Variants in SP2 observed in about 807,000 individuals in gnomAD.
SP2 encodes transcription factor Sp2.
In SP2, 9 loss-of-function variants were observed where a neutral mutation model predicts 50.1. The ratio of observed to expected loss-of-function variants is 0.18; its 90% confidence interval spans 0.11 to 0.31. The LOEUF is 0.31. SP2 is among the 10% of genes least tolerant of loss of function. SP2 has a pLI of 1.00. For missense variants in SP2, 581 were observed against 806.5 expected (o/e 0.72, Z 3.39); for synonymous variants, 313 against 326.6 (o/e 0.96, Z 0.45).
At chr17:47,921,911 T>C (rs2035473329) in intron 3 of SP2, among the ~76,000 whole-genome samples, 1 of 152,210 alleles carries the variant, frequency 6.6e-6, no homozygotes, top group African/African-American at 2.4e-5. Flanking sequence ...ACCTATGCAA[T>C]GTCTACGTAG....
In SP2 at chr17:47,924,952, G is replaced by A. The variant is rs951677155; in HGVS notation, c.1406G>A (p.Gly469Glu). ...QQQLTVQNVS[G>E]NNLTISGLSP... is the part of the protein sequence containing the mutation. ...CAGCTGACAGTGCAGAATGTTTCTGGGAACAACCTGACCATCAGTGGGCTG... is the reference window on the plus strand; with the variant it reads ...CAGCTGACAGTGCAGAATGTTTCTGAGAACAACCTGACCATCAGTGGGCTG... The change falls in exon 5 of 7, where the codon GGG becomes GAG. Residue 469 changes from glycine to glutamate, a missense_variant. Physicochemically the swap from Gly to Glu is moderately conservative, Grantham distance 98 (BLOSUM62 -2). This residue lies in a region of SP2 where 184 missense variants were observed against 315.5 expected (regional missense o/e 0.58). Coordinates refer to ENST00000376741, the MANE Select transcript of SP2 (RefSeq NM_003110.6). 1 of 1,611,342 alleles carries A rather than the reference G, an allele frequency of 6.2e-7. No individual in the cohort carries two copies. The highest frequency in any genetic ancestry group is 8.5e-7 in the Non-Finnish European group (1 of 1,177,926).
chr17:47,916,556 C>A lies in SP2; in HGVS notation c.485C>A (p.Thr162Asn). The A allele has an allele frequency of 6.2e-7, 1 of 1,614,146 alleles. No homozygotes were observed. Among genetic ancestry groups the A allele is most frequent in the East Asian group, 2.2e-5 (1 of 44,886 alleles). ...AACCAGATCCAGATCATCCCTGGCACCAACCAAGCCATCATCACCCCCTCA... is the reference window on the plus strand; with the variant it reads ...AACCAGATCCAGATCATCCCTGGCAACAACCAAGCCATCATCACCCCCTCA... ...LTNQIQIIPGTNQAIITPSPS... is the reference protein window; with the variant it reads ...LTNQIQIIPGNNQAIITPSPS... The change falls in exon 3 of 7, where the codon ACC becomes AAC. Residue 162 changes from threonine (T) to asparagine (N), a missense_variant. Transcript: ENST00000376741. The surrounding 1 kb of genome is among the most constrained non-coding windows in gnomAD (Gnocchi z 4.7).
rs1055314716 is a variant in SP2, at chr17:47,928,032, G to C, written c.*208G>C. On this transcript the variant is annotated 3_prime_UTR_variant, in exon 7 of 7. Coordinates refer to ENST00000376741, the MANE Select transcript of SP2 (RefSeq NM_003110.6). The stretch of plus-strand genomic sequence containing the variant: ...CTGCCTTGGCCCTTCCCCTCACCAC[G>C]AGCTCCCGGCCTGCCCAGACTGTGG... 1.8e-6 allele frequency: 1 copy of C among 550,070 alleles called. No homozygotes were observed. The highest frequency in any genetic ancestry group is 2.3e-5 in the South Asian group (1 of 44,228). The allele number at this position is 550,070 out of a possible 1,614,324, so 34.1% of individuals were successfully genotyped here.
intron 3 of SP2, among the ~76,000 whole-genome samples, chr17:47,921,870 A>G (rs2144036122): frequency 6.6e-6 from 1 of 152,334 alleles, no homozygotes; most frequent in East Asian, 1.9e-4. Context: ...TTCTCAATGG[A>G]CACAGCTAGG....
rs565594410 is a variant in SP2, at chr17:47,926,278, C to T, written c.1741+737C>T. On this transcript the variant is annotated intron_variant, in intron 6 of 6. Coordinates refer to ENST00000376741, the MANE Select transcript of SP2 (RefSeq NM_003110.6). The stretch of plus-strand genomic sequence containing the variant: ...CCAGTCACACAGCTAGTGACTGGTG[C>T]GGCCAGGTTCACACCCAGGCCCTGC... 2.7e-4 allele frequency among the ~76,000 whole-genome samples: 41 copies of T among 150,162 alleles called. No individual in the cohort carries two copies. The South Asian group carries it at 4.7e-3, about 17-fold the overall frequency.
At chr17:47,918,082 T>C (rs939102490) in intron 3 of SP2, among the ~76,000 whole-genome samples, 1 of 152,036 alleles carries the variant, frequency 6.6e-6, no homozygotes, top group Non-Finnish European at 1.5e-5. Context: ...TTGTGTCTTA[T>C]GTGTAGCAGG....
Position 47,896,275 on chromosome 17 carries a change from G to A in SP2, c.-12G>A, listed in dbSNP as rs2034323478. 1.6e-6 allele frequency: 2 copies of A among 1,240,308 alleles called. No homozygotes were observed. Among genetic ancestry groups the A allele is most frequent in the Non-Finnish European group, 2.0e-6 (2 of 988,768 alleles). The allele number at this position is 1,240,308 out of a possible 1,614,324, so 76.8% of individuals were successfully genotyped here. A position where few individuals can be genotyped will look rare whatever the true frequency, so the allele number is the denominator to read the frequency against. The stretch of plus-strand genomic sequence containing the variant: ...GGCGGAGGCGGCGGAGGCCAGGGAG[G>A]AAGATGTCGTAATGAGCGGTGGGTC... On this transcript the variant is annotated 5_prime_UTR_variant, in exon 1 of 7. Coordinates refer to ENST00000376741, the MANE Select transcript of SP2 (RefSeq NM_003110.6).
At chr17:47,902,379 C>T (rs370950541) in intron 1 of SP2, among the ~76,000 whole-genome samples, 16 of 152,214 alleles carry the variant, frequency 1.1e-4, no homozygotes, top group African/African-American at 3.4e-4. Context: ...TATTGGGGGC[C>T]TCTGAGCAGA....
At position 47,927,981 on chromosome 17, in the gene SP2, T is replaced by G; in HGVS notation, c.*157T>G. 1.6e-6 allele frequency: 1 copy of G among 607,488 alleles called. No individual in the cohort carries two copies. Among genetic ancestry groups the G allele is most frequent in the Non-Finnish European group, 3.0e-6 (1 of 336,810 alleles). 37.6% of individuals were successfully genotyped at this position (607,488 alleles called of 1,614,324 possible). On this transcript the variant is annotated 3_prime_UTR_variant, in exon 7 of 7. Transcript: ENST00000376741. Reference sequence around the variant, plus strand: ...CAGGAAGGGGCTCTGTTCCCTGTATTGTCCTCCTTCTGAAGCCCCTTGGCT... The same window carrying G: ...CAGGAAGGGGCTCTGTTCCCTGTATGGTCCTCCTTCTGAAGCCCCTTGGCT...
chr17:47,914,408 A>G (rs1227510203), intron 1 of SP2, among the ~76,000 whole-genome samples: 4 of 151,892 alleles, frequency 2.6e-5, no homozygotes, highest in African/African-American at 7.3e-5. Context: ...TGTGCTGTAT[A>G]TGCTGCCTGG....
chr17:47,896,402 G>C (rs567404134), intron 1 of SP2, 109 bp downstream of exon 1: 2 of 969,750 alleles, frequency 2.1e-6, no homozygotes, highest in East Asian at 3.3e-5. Flanking sequence ...CCCTGGGGCT[G>C]GGTCTGGCGT....
At chr17:47,915,427 C>T (rs2143943451) in intron 2 of SP2, 39 bp downstream of exon 2, 6 of 1,365,528 alleles carry the variant, frequency 4.4e-6, no homozygotes, top group Non-Finnish European at 5.2e-6. Context: ...GGGGCTGCAG[C>T]ATCCTGGACA....
chr17:47,898,183 G>C (rs1270133947), intron 1 of SP2: 1 of 152,198 alleles, frequency 6.6e-6, no homozygotes, highest in Non-Finnish European at 1.5e-5. Flanking sequence ...AGATAGACTG[G>C]CCACTTTTTT....
In SP2 at chr17:47,896,420, C is replaced by A. The variant is rs1008777816; in HGVS notation, c.7+127C>A. The A allele has an allele frequency of 5.9e-6, 4 of 676,798 alleles. No homozygotes were observed. The African/African-American group carries it at 7.6e-5, about 13-fold the overall frequency. 41.9% of individuals were successfully genotyped at this position (676,798 alleles called of 1,614,324 possible). A position where few individuals can be genotyped will look rare whatever the true frequency, so the allele number is the denominator to read the frequency against. Reference sequence around the variant, plus strand: ...TGGGGCTGGGTCTGGCGTCGGGGCCCGGCTTCAGGAGGGGCGGGGGAGGGA... The same window carrying A: ...TGGGGCTGGGTCTGGCGTCGGGGCCAGGCTTCAGGAGGGGCGGGGGAGGGA... On this transcript the variant is annotated intron_variant, in intron 1 of 6. Coordinates refer to ENST00000376741, the MANE Select transcript of SP2 (RefSeq NM_003110.6).
intron 2 of SP2, 29 bp downstream of exon 2, chr17:47,915,417 G>C: frequency 6.6e-7 from 1 of 1,514,240 alleles, no homozygotes; most frequent in Non-Finnish European, 9.1e-7. Context: ...CCGAGGGCTT[G>C]GGGCTGCAGC....
intron 3 of SP2, among the ~76,000 whole-genome samples, chr17:47,921,213 A>G (rs1411001327): frequency 6.6e-6 from 1 of 151,698 alleles, no homozygotes; most frequent in Non-Finnish European, 1.5e-5. Flanking sequence ...TTCCTCCCCC[A>G]TTTATTTATT....
At chr17:47,897,884 GT>G (rs2034401724) in intron 1 of SP2, 1 of 983,442 alleles carries the variant, frequency 1.0e-6, no homozygotes, top group Admixed American at 6.1e-5. Flanking sequence ...TCTAACAGGC[GT>G]TAATACCTGT....
chr17:47,908,434 C>T (rs939921553), intron 1 of SP2, among the ~76,000 whole-genome samples: 7 of 152,196 alleles, frequency 4.6e-5, no homozygotes, highest in African/African-American at 1.7e-4. Flanking sequence ...GAGCCATTGC[C>T]TTCCTTTGCA....
intron 1 of SP2, chr17:47,899,550 C>T (rs1474992307): frequency 1.3e-5 from 2 of 152,118 alleles, no homozygotes; most frequent in African/African-American, 4.8e-5. Context: ...CAGAGATTGC[C>T]CTTGAGGAGA....
Sources: gnomAD v4.1 joint callset for allele counts (sites outside exome capture counted in the v4.1 genomes callset) on GRCh38, gnomAD v4.1.1 for gene constraint, gnomAD v4.1.1 regional missense constraint, Gnocchi (gnomAD v3.1) non-coding constraint, MANE v1.5 for transcripts, NCBI Gene and HGNC (gene_info 2026-07-23, HGNC 2026-07-21) for gene names.